The following EPS15 variants were observed in gnomAD, a reference collection of about 807,000 sequenced individuals.
EPS15 encodes the protein epidermal growth factor receptor substrate 15.
In EPS15, 72 loss-of-function variants were observed where a neutral mutation model predicts 113.8. The observed-to-expected ratio is 0.63, with a 90% CI of 0.52 to 0.77. EPS15 has a LOEUF of 0.77. EPS15 is among the 30% of genes least tolerant of loss of function. The probability of loss-of-function intolerance (pLI) is 0.00; values close to 1 mark genes in which losing one functional copy is unlikely to be tolerated. For synonymous variants in EPS15, 344 were observed against 363.4 expected (o/e 0.95, Z 0.61); for missense variants, 1,048 against 1,045.8 (o/e 1.00, Z -0.03).
At chr1:51,466,907 T>A (rs1443689201) in intron 5 of EPS15, among the ~76,000 whole-genome samples, 1 of 151,950 alleles carries the variant, frequency 6.6e-6, no homozygotes, top group African/African-American at 2.4e-5. Flanking sequence ...AAAAAAGACT[T>A]GCAACTCATA....
Position 51,394,431 on chromosome 1 carries a change from T to G in EPS15, c.2069A>C (p.His690Pro), listed in dbSNP as rs763198065. The G allele has an allele frequency of 6.2e-7, 1 of 1,603,328 alleles. No individual in the cohort carries two copies. The highest frequency in any genetic ancestry group is 1.7e-5 in the Admixed American group (1 of 59,542). ...TCCACCAGGAGCAAAAGGATCATTGTGCTTCAACGTTTCTACCTAAACAAA... is the reference window on the plus strand; with the variant it reads ...TCCACCAGGAGCAAAAGGATCATTGGGCTTCAACGTTTCTACCTAAACAAA... ...SSITSVETLK[H>P]NDPFAPGGTV... Residue 690 changes from histidine (H) to proline (P), a missense_variant, in exon 21 of 25, where the codon CAC becomes CCC. By Grantham distance (77) the His-to-Pro change is moderately conservative. Coordinates refer to ENST00000371733, the MANE Select transcript of EPS15 (RefSeq NM_001981.3).
intron 1 of EPS15, among the ~76,000 whole-genome samples, chr1:51,493,762 G>A (rs1378187063): frequency 1.3e-5 from 2 of 151,024 alleles, no homozygotes; most frequent in East Asian, 2.0e-4. Context: ...GGGATTACAG[G>A]CGTCACGCCT....
chr1:51,498,044 A>G (rs892334685), intron 1 of EPS15, among the ~76,000 whole-genome samples: 38 of 152,026 alleles, frequency 2.5e-4, no homozygotes, highest in African/African-American at 8.5e-4. Context: ...TGACATACAG[A>G]TTCATAATTA....
At chr1:51,402,130 C>T (rs1648621014) in intron 18 of EPS15, among the ~76,000 whole-genome samples, 2 of 147,992 alleles carry the variant, frequency 1.4e-5, no homozygotes, top group African/African-American at 5.0e-5. Flanking sequence ...AGCGAGACTC[C>T]ATTTCTAAAT....
chr1:51,393,938 G>A (rs568146455), intron 21 of EPS15, among the ~76,000 whole-genome samples: 74 of 152,278 alleles, frequency 4.9e-4, no homozygotes, highest in Middle Eastern at 3.4e-3. Context: ...TACCATAAAT[G>A]AAGTATGAAG....
At chr1:51,467,960 T>C (rs1314031908) in intron 5 of EPS15, among the ~76,000 whole-genome samples, 1 of 151,722 alleles carries the variant, frequency 6.6e-6, no homozygotes, top group Non-Finnish European at 1.5e-5. Flanking sequence ...TAAGTATTTA[T>C]ATATATATAT....
At chr1:51,510,346 C>G (rs537065578) in intron 1 of EPS15, among the ~76,000 whole-genome samples, 2 of 152,318 alleles carry the variant, frequency 1.3e-5, no homozygotes, top group African/African-American at 4.8e-5. Flanking sequence ...ACTTGGAGAA[C>G]AGATGTGCCT....
intron 8 of EPS15, among the ~76,000 whole-genome samples, chr1:51,452,207 G>C (rs1257498453): frequency 6.6e-6 from 1 of 151,882 alleles, no homozygotes; most frequent in Non-Finnish European, 1.5e-5. Context: ...TTTTCTTCCA[G>C]AGAAAATTTG....
chr1:51,471,881 A>T, intron 3 of EPS15, 144 bp from the exon 4 acceptor site: 3 of 698,436 alleles, frequency 4.3e-6, no homozygotes. Flanking sequence ...AAGAACCCTT[A>T]AAGATCATTT....
At position 51,361,337 on chromosome 1, in the gene EPS15, T is replaced by C. The variant is rs753815525; in HGVS notation, c.2378A>G (p.Lys793Arg). ...TTTAAAGGGATCAGGAGAATCCAAT[T>C]TGTTGATGGATCTTTTCCCTGGATC... ...PLPPGKRSINKLDSPDPFKLN... is the reference protein window; with the variant it reads ...PLPPGKRSINRLDSPDPFKLN... The change falls in exon 24 of 25, where the codon AAA becomes AGA. Residue 793 changes from lysine to arginine, a missense_variant. Physicochemically the swap from Lys to Arg is conservative, Grantham distance 26. Transcript: ENST00000371733. 18 of 1,611,162 alleles carry C rather than the reference T, an allele frequency of 1.1e-5. No individual in the cohort carries two copies. Among genetic ancestry groups the C allele is most frequent in the Non-Finnish European group, 1.4e-5 (17 of 1,178,782 alleles).
intron 21 of EPS15, among the ~76,000 whole-genome samples, chr1:51,381,689 T>C (rs940135544): frequency 6.6e-6 from 1 of 151,392 alleles, no homozygotes; most frequent in East Asian, 1.9e-4. Context: ...TACAAATAGG[T>C]GGAAATTAAA....
intron 21 of EPS15, among the ~76,000 whole-genome samples, chr1:51,384,764 A>G (rs1374796800): frequency 6.6e-6 from 1 of 152,214 alleles, no homozygotes; most frequent in Non-Finnish European, 1.5e-5. Context: ...GATCAATGGA[A>G]CAGAATACAG....
At chr1:51,505,709 T>A (rs114312089) in intron 1 of EPS15, among the ~76,000 whole-genome samples, 5 of 152,006 alleles carry the variant, frequency 3.3e-5, no homozygotes, top group African/African-American at 1.2e-4. Flanking sequence ...AAAATAAAAA[T>A]TTTAGAAAAG....
At chr1:51,442,257 C>T (rs1449486075) in intron 11 of EPS15, among the ~76,000 whole-genome samples, 1 of 152,102 alleles carries the variant, frequency 6.6e-6, no homozygotes, top group Non-Finnish European at 1.5e-5. Flanking sequence ...AACATTAGCA[C>T]TTGGTCTCAC....
intron 1 of EPS15, 36 bp downstream of exon 1, chr1:51,519,163 G>T: frequency 7.0e-7 from 1 of 1,419,830 alleles, no homozygotes; most frequent in Non-Finnish European, 9.3e-7. Flanking sequence ...GGGGGCACCG[G>T]CCGGCCAAGC....
chr1:51,494,364 C>T (rs1444743197), intron 1 of EPS15, among the ~76,000 whole-genome samples: 3 of 152,146 alleles, frequency 2.0e-5, no homozygotes, highest in African/African-American at 7.2e-5. Context: ...TCCCTCAGGC[C>T]CTCTCTATTT....
rs1435970643 is a variant in EPS15 at position 51,402,496 on chromosome 1, C to T, written c.1821G>A (p.Ser607=). The part of the protein sequence containing the change: ...EEDPFNVDSS[S]LTGPVADTNL... The stretch of plus-strand genomic sequence containing the variant: ...TTGTATCTGCAACTGGACCTGTCAG[C>T]GAACTTGAGTCTACATTAAATGGAT... Residue 607 remains serine (S), a synonymous_variant, in exon 18 of 25, where the codon TCG becomes TCA. Transcript: ENST00000371733. 13 of 1,579,760 alleles carry T rather than the reference C, an allele frequency of 8.2e-6. No homozygotes were observed. The highest frequency in any genetic ancestry group is 8.6e-6 in the Non-Finnish European group (10 of 1,157,836).
chr1:51,500,604 C>G (rs1046021136), intron 1 of EPS15, among the ~76,000 whole-genome samples: 5 of 152,126 alleles, frequency 3.3e-5, no homozygotes, highest in Admixed American at 1.3e-4. Flanking sequence ...CAGCCTCGAC[C>G]TCCCAAGCTC....
At chr1:51,517,130 G>A (rs942803343) in intron 1 of EPS15, among the ~76,000 whole-genome samples, 10 of 152,304 alleles carry the variant, frequency 6.6e-5, no homozygotes, top group Middle Eastern at 6.8e-3. Flanking sequence ...AGGCACATTA[G>A]GGTATACTAG....
Sources: allele counts gnomAD v4.1 joint callset (sites outside exome capture counted in the v4.1 genomes callset), GRCh38; gene constraint gnomAD v4.1.1; transcripts MANE v1.5; gene names NCBI Gene and HGNC (gene_info 2026-07-23, HGNC 2026-07-21).